AGAP1: variants seen among roughly 807,000 people sequenced by gnomAD.
The protein encoded by AGAP1 is ArfGAP with GTPase domain, ankyrin repeat and PH domain 1, also known as arf-GAP with GTPase, ANK repeat and PH domain-containing protein 1.
Under a neutral mutation model 105.3 loss-of-function variants are expected in AGAP1, and 29 were observed. The observed-to-expected ratio is 0.28, with a 90% CI of 0.21 to 0.38. AGAP1 has a LOEUF of 0.38. Among genes scored for constraint, AGAP1 ranks in the 10% least tolerant of loss-of-function variants. The pLI, the probability that AGAP1 is intolerant of heterozygous loss-of-function variation, is 1.00. For missense variants in AGAP1, 998 were observed against 1,165.1 expected (o/e 0.86, Z 2.09); for synonymous variants, 509 against 485.9 (o/e 1.05, Z -0.63).
rs1239683538 is a variant in AGAP1, at chr2:235,569,063, G to C, written c.163+74214G>C. On this transcript the variant is annotated intron_variant, in intron 1 of 17. Coordinates refer to ENST00000304032, the MANE Select transcript of AGAP1 (RefSeq NM_001037131.3). This position sits in a 1 kb window ranked among gnomAD's most constrained non-coding sequence, Gnocchi z 5.9. ...GCGTATTCATAGGTTCTGGGTGTTG[G>C]GACATGGACATTTTGGGGGACCCAT... is the stretch of plus-strand genomic sequence containing the variant. Among the ~76,000 whole-genome samples, 2 of 152,204 alleles carry C rather than the reference G, an allele frequency of 1.3e-5. No individual in the cohort carries two copies. The highest frequency in any genetic ancestry group is 2.9e-5 in the Non-Finnish European group (2 of 68,036).
Position 235,970,819 on chromosome 2 carries a change from G to A in AGAP1, c.1645+2196G>A, listed in dbSNP as rs113569196. Among the ~76,000 whole-genome samples the A allele has an allele frequency of 5.7e-3, 862 of 152,292 alleles. 6 individuals are homozygous for A. Among genetic ancestry groups the A allele is most frequent in the Middle Eastern group, 0.014 (4 of 294 alleles). Reference sequence around the variant, plus strand: ...ACAAGTGACCGTGACCACGTTGGACGCCTGATGTTTCAGGTCCACTTGCTG... The same window carrying A: ...ACAAGTGACCGTGACCACGTTGGACACCTGATGTTTCAGGTCCACTTGCTG... On this transcript the variant is annotated intron_variant, in intron 13 of 17. Transcript: ENST00000304032. This position sits in a 1 kb window ranked among gnomAD's most constrained non-coding sequence, Gnocchi z 5.4.
rs561425725 is a variant in AGAP1 at position 235,622,022 on chromosome 2, G to C, written c.164-87157G>C. On this transcript the variant is annotated intron_variant, in intron 1 of 17. Transcript: ENST00000304032. The surrounding 1 kb of genome is among the most constrained non-coding windows in gnomAD (Gnocchi z 5.0). ...TTTAAATGCATTCCTCTAACTAGTG[G>C]TCAGCTTGCTACTGTCCAACCTAAG... Among the ~76,000 whole-genome samples the C allele has an allele frequency of 6.6e-6, 1 of 152,164 alleles. No homozygotes were observed.
At position 236,005,747 on chromosome 2, in the gene AGAP1, A is replaced by G. The variant is rs138927387; in HGVS notation, c.1646-30814A>G. Among the ~76,000 whole-genome samples the G allele has an allele frequency of 0.011, 1,675 of 152,282 alleles. 29 individuals are homozygous for G. The highest frequency in any genetic ancestry group is 0.037 in the African/African-American group (1,530 of 41,550). ...TTGTGCAATGCTTTTCTCAGGTTTC[A>G]TCTTGAGTTACAAGTTTTGTGGAGA... is the stretch of plus-strand genomic sequence containing the variant. On this transcript the variant is annotated intron_variant, in intron 13 of 17. Transcript: ENST00000304032. The surrounding 1 kb of genome is among the most constrained non-coding windows in gnomAD (Gnocchi z 4.1).
intron 1 of AGAP1, among the ~76,000 whole-genome samples, chr2:235,503,470 G>T (rs1022482905): frequency 6.6e-5 from 10 of 152,164 alleles, no homozygotes; most frequent in African/African-American, 2.2e-4. Flanking sequence ...ACAGCATTGT[G>T]TTAATTTTAG....
chr2:235,591,470 T>G (rs943521834), intron 1 of AGAP1, among the ~76,000 whole-genome samples: 10 of 152,166 alleles, frequency 6.6e-5, no homozygotes, highest in East Asian at 1.9e-4. Flanking sequence ...TTTAGAGGCT[T>G]AATCCCTCCT....
At chr2:235,804,903 AT>A (rs1453682019) in intron 8 of AGAP1, among the ~76,000 whole-genome samples, 4 of 152,142 alleles carry the variant, frequency 2.6e-5, no homozygotes, top group Non-Finnish European at 5.9e-5. Context: ...GTGTCTGATG[AT>A]TCCTCGGATC....
intron 9 of AGAP1, among the ~76,000 whole-genome samples, chr2:235,839,791 A>G (rs568599286): frequency 6.6e-6 from 1 of 152,314 alleles, no homozygotes; most frequent in Non-Finnish European, 1.5e-5. Context: ...CAGGAGGAGT[A>G]CTTGCCTTTT....
intron 8 of AGAP1, among the ~76,000 whole-genome samples, chr2:235,802,097 C>T (rs1957522115): frequency 6.6e-6 from 1 of 152,104 alleles, no homozygotes; most frequent in Non-Finnish European, 1.5e-5. Context: ...AACATCTGCT[C>T]TGTGCACAGC....
Position 235,599,153 on chromosome 2 carries a change from A to G in AGAP1, c.163+104304A>G, listed in dbSNP as rs1945643631. On this transcript the variant is annotated intron_variant, in intron 1 of 17. Coordinates refer to ENST00000304032, the MANE Select transcript of AGAP1 (RefSeq NM_001037131.3). The surrounding 1 kb of genome is among the most constrained non-coding windows in gnomAD (Gnocchi z 5.3). ...CCTTGTGGAGAACTTACTTGACGCC[A>G]ACAAAGAAATTTCTAGCTGCTTGTA... is the stretch of plus-strand genomic sequence containing the variant. Among the ~76,000 whole-genome samples, 1 of 152,204 alleles carries G rather than the reference A, an allele frequency of 6.6e-6. No homozygotes were observed. The highest frequency in any genetic ancestry group is 2.1e-4 in the South Asian group (1 of 4,830).
In AGAP1 at chr2:235,958,292, G is replaced by A. The variant is rs1471284730; in HGVS notation, c.1484-10170G>A. The stretch of plus-strand genomic sequence containing the variant: ...GGGCCCTGTACTCCCTGAAATCCAG[G>A]CTCCAGGGTCAGGGAAGATCTGACC... On this transcript the variant is annotated intron_variant, in intron 12 of 17. Coordinates refer to ENST00000304032, the MANE Select transcript of AGAP1 (RefSeq NM_001037131.3). This position sits in a 1 kb window ranked among gnomAD's most constrained non-coding sequence, Gnocchi z 4.1. Among the ~76,000 whole-genome samples, 1 of 152,030 alleles carries A rather than the reference G, an allele frequency of 6.6e-6. No homozygotes were observed. The highest frequency in any genetic ancestry group is 1.5e-5 in the Non-Finnish European group (1 of 68,010).
In AGAP1 at chr2:235,777,773, G is replaced by A. The variant is rs749541728; in HGVS notation, c.674-19986G>A. On this transcript the variant is annotated intron_variant, in intron 6 of 17. Transcript: ENST00000304032. This position sits in a 1 kb window ranked among gnomAD's most constrained non-coding sequence, Gnocchi z 5.1. ...ACGCTCAAGTGTTTGAGACGTTAAC[G>A]AATGATGGCTGTGATGTAATTGACT... is the stretch of plus-strand genomic sequence containing the variant. 5.9e-5 allele frequency among the ~76,000 whole-genome samples: 9 copies of A among 152,318 alleles called. No homozygotes were observed. Among genetic ancestry groups the A allele is most frequent in the East Asian group, 1.9e-4 (1 of 5,178 alleles).
In AGAP1 at chr2:235,686,002, G is replaced by T. The variant is rs149205967; in HGVS notation, c.164-23177G>T. 5.8e-3 allele frequency among the ~76,000 whole-genome samples: 890 copies of T among 152,316 alleles called. 9 individuals are homozygous for T. The highest frequency in any genetic ancestry group is 0.01 in the Non-Finnish European group (710 of 68,034). The stretch of plus-strand genomic sequence containing the variant: ...TTTCTGATGAGCCTTTCCAAAGGAG[G>T]CAATCAGATATGCACTTAGTGAGCA... On this transcript the variant is annotated intron_variant, in intron 1 of 17. Coordinates refer to ENST00000304032, the MANE Select transcript of AGAP1 (RefSeq NM_001037131.3).
At chr2:235,519,308 A>G (rs563757652) in intron 1 of AGAP1, among the ~76,000 whole-genome samples, 5 of 152,250 alleles carry the variant, frequency 3.3e-5, no homozygotes, top group Admixed American at 1.3e-4. Flanking sequence ...GAATGCCTCA[A>G]GTGATCCTCC....
At chr2:235,573,047 T>TTCTTC (rs1559258953) in intron 1 of AGAP1, among the ~76,000 whole-genome samples, 2 of 22,346 alleles carry the variant, frequency 9.0e-5, no homozygotes, top group African/African-American at 4.0e-4. Context: ...TTCTTCTTCT[T>TTCTTC]CTTCTTCTTC....
rs767875520 is a variant in AGAP1, at chr2:236,120,415, G to A, written c.2338G>A (p.Gly780Arg). ...GGCGCTGCATCTGGCCTGCCGCAAG[G>A]GGAATGTGGTCCTGGCGCAGCTCCT... ...RTALHLACRKGNVVLAQLLIW... is the reference protein window; with the variant it reads ...RTALHLACRKRNVVLAQLLIW... The change falls in exon 17 of 18, where the codon GGG becomes AGG. Residue 780 changes from glycine (G) to arginine (R), a missense_variant. Gly to Arg is a moderately radical substitution (Grantham distance 125, BLOSUM62 -2). Coordinates refer to ENST00000304032, the MANE Select transcript of AGAP1 (RefSeq NM_001037131.3). The surrounding 1 kb of genome is among the most constrained non-coding windows in gnomAD (Gnocchi z 6.0). 2 of 1,611,400 alleles carry A rather than the reference G, an allele frequency of 1.2e-6. No individual in the cohort carries two copies. Among genetic ancestry groups the A allele is most frequent in the African/African-American group, 1.3e-5 (1 of 74,894 alleles).
rs767734333 is a variant in AGAP1 at position 235,962,180 on chromosome 2, G to A, written c.1484-6282G>A. Among the ~76,000 whole-genome samples the A allele has an allele frequency of 6.6e-5, 10 of 152,174 alleles. No homozygotes were observed. Among genetic ancestry groups the A allele is most frequent in the Non-Finnish European group, 1.3e-4 (9 of 68,028 alleles). On this transcript the variant is annotated intron_variant, in intron 12 of 17. Coordinates refer to ENST00000304032, the MANE Select transcript of AGAP1 (RefSeq NM_001037131.3). This position sits in a 1 kb window ranked among gnomAD's most constrained non-coding sequence, Gnocchi z 5.3. ...GCTTTGAAATAGCCCCTTGGAGAGT[G>A]GGAAGTGGGTTACTACAGAAGTGAG...
chr2:235,701,859 T>C lies in AGAP1; in HGVS notation c.164-7320T>C, dbSNP rs2149480455. On this transcript the variant is annotated intron_variant, in intron 1 of 17. Coordinates refer to ENST00000304032, the MANE Select transcript of AGAP1 (RefSeq NM_001037131.3). This position sits in a 1 kb window ranked among gnomAD's most constrained non-coding sequence, Gnocchi z 4.1. The stretch of plus-strand genomic sequence containing the variant: ...AGCCTCCTCCGATGCTCCTCTCCTC[T>C]GTGGATGTACCATCTTTCTTCCATT... 6.6e-6 allele frequency among the ~76,000 whole-genome samples: 1 copy of C among 152,274 alleles called. No individual in the cohort carries two copies. The highest frequency in any genetic ancestry group is 1.9e-4 in the East Asian group (1 of 5,164).
chr2:235,553,798 C>T lies in AGAP1; in HGVS notation c.163+58949C>T, dbSNP rs1376460592. The stretch of plus-strand genomic sequence containing the variant: ...TGTGACATTCGTAAGTGGCACTCCT[C>T]ATGCTGAGCAACTGACGTCGTATTT... On this transcript the variant is annotated intron_variant, in intron 1 of 17. Coordinates refer to ENST00000304032, the MANE Select transcript of AGAP1 (RefSeq NM_001037131.3). This position sits in a 1 kb window ranked among gnomAD's most constrained non-coding sequence, Gnocchi z 4.5. Among the ~76,000 whole-genome samples the T allele has an allele frequency of 6.6e-6, 1 of 152,172 alleles. No homozygotes were observed. The highest frequency in any genetic ancestry group is 2.4e-5 in the African/African-American group (1 of 41,452).
At chr2:235,802,830 G>A (rs1459037415) in intron 8 of AGAP1, among the ~76,000 whole-genome samples, 22 of 95,872 alleles carry the variant, frequency 2.3e-4, no homozygotes, top group African/African-American at 8.3e-4. Flanking sequence ...TTGTGGTTGT[G>A]ATGATGGTTA....
Sources: gnomAD v4.1 joint callset for allele counts (sites outside exome capture counted in the v4.1 genomes callset) on GRCh38, gnomAD v4.1.1 for gene constraint, Gnocchi (gnomAD v3.1) non-coding constraint, MANE v1.5 for transcripts, NCBI Gene and HGNC (gene_info 2026-07-23, HGNC 2026-07-21) for gene names.